The following DCBLD2 variants were observed in gnomAD, a reference collection of about 807,000 sequenced individuals.
The protein encoded by DCBLD2 is discoidin, CUB and LCCL domain containing 2, also known as discoidin, CUB and LCCL domain-containing protein 2.
A neutral mutation model predicts 86.8 loss-of-function variants in DCBLD2; 54 were observed. That is an observed-to-expected ratio of 0.62 (90% CI 0.50 to 0.78). The LOEUF is 0.78. Among genes scored for constraint, DCBLD2 ranks in the 30% least tolerant of loss-of-function variants. DCBLD2 has a pLI of 0.00. For missense variants in DCBLD2, 908 were observed against 954.2 expected (o/e 0.95, Z 0.64); for synonymous variants, 354 against 341.3 (o/e 1.04, Z -0.41).
intron 1 of DCBLD2, among the ~76,000 whole-genome samples, chr3:98,898,786 T>A (rs1943794616): frequency 6.6e-6 from 1 of 152,190 alleles, no homozygotes; most frequent in Admixed American, 6.5e-5. Flanking sequence ...GTCCTTTGAG[T>A]AAAAAATTTA....
intron 2 of DCBLD2, among the ~76,000 whole-genome samples, chr3:98,854,332 G>A (rs1340449766): frequency 6.6e-6 from 1 of 152,096 alleles, no homozygotes; most frequent in Non-Finnish European, 1.5e-5. Flanking sequence ...GAGTGAGGTG[G>A]AGATGTACAA....
chr3:98,820,724 TC>T (rs1942104022), intron 6 of DCBLD2: 1 of 152,136 alleles, frequency 6.6e-6, no homozygotes, highest in Non-Finnish European at 1.5e-5. Context: ...TCAAGTTTTT[TC>T]GGATAAACAT....
intron 13 of DCBLD2, among the ~76,000 whole-genome samples, chr3:98,805,820 C>T (rs989294297): frequency 2.0e-5 from 3 of 152,214 alleles, no homozygotes; most frequent in East Asian, 1.9e-4. Context: ...CTCTCAACAG[C>T]GGCACTCCTC....
chr3:98,862,374 C>T (rs1419904527), intron 2 of DCBLD2, among the ~76,000 whole-genome samples: 2 of 152,148 alleles, frequency 1.3e-5, no homozygotes, highest in Non-Finnish European at 2.9e-5. Flanking sequence ...TTTTATGAGG[C>T]CAGCATCATC....
At chr3:98,895,987 G>A (rs960253964) in intron 1 of DCBLD2, among the ~76,000 whole-genome samples, 31 of 152,150 alleles carry the variant, frequency 2.0e-4, no homozygotes, top group African/African-American at 7.2e-4. Context: ...AGTTTTGAAG[G>A]CAAGGTTGCA....
intron 2 of DCBLD2, among the ~76,000 whole-genome samples, chr3:98,880,851 C>A (rs1385952949): frequency 1.3e-5 from 2 of 152,138 alleles, no homozygotes; most frequent in African/African-American, 4.8e-5. Flanking sequence ...GGATCCAAAA[C>A]CCTTGTTTTT....
intron 1 of DCBLD2, among the ~76,000 whole-genome samples, chr3:98,892,697 C>A (rs2107531564): frequency 6.6e-6 from 1 of 152,246 alleles, no homozygotes; most frequent in South Asian, 2.1e-4. Flanking sequence ...CCAATAGTTT[C>A]TCCTTCTACC....
At chr3:98,855,580 T>C (rs1041475034) in intron 2 of DCBLD2, among the ~76,000 whole-genome samples, 1 of 152,142 alleles carries the variant, frequency 6.6e-6, no homozygotes, top group Non-Finnish European at 1.5e-5. Flanking sequence ...AGGAAAAAAA[T>C]GTAGTTTTAA....
At chr3:98,890,065 C>A (rs971488072) in intron 1 of DCBLD2, among the ~76,000 whole-genome samples, 1 of 152,024 alleles carries the variant, frequency 6.6e-6, no homozygotes, top group Non-Finnish European at 1.5e-5. Context: ...AATGTCAATG[C>A]ACTGCAATTC....
intron 3 of DCBLD2, among the ~76,000 whole-genome samples, chr3:98,828,466 A>G (rs1942263687): frequency 6.6e-6 from 1 of 152,236 alleles, no homozygotes; most frequent in South Asian, 2.1e-4. Context: ...GATGCTCAGC[A>G]TCATTAGCCA....
intron 2 of DCBLD2, among the ~76,000 whole-genome samples, chr3:98,852,197 T>C (rs1166734693): frequency 6.6e-6 from 1 of 152,220 alleles, no homozygotes; most frequent in Non-Finnish European, 1.5e-5. Flanking sequence ...AATGTGTGTT[T>C]ACTTGTAAAA....
intron 2 of DCBLD2, among the ~76,000 whole-genome samples, chr3:98,864,309 A>G (rs1464627610): frequency 6.6e-6 from 1 of 152,214 alleles, no homozygotes; most frequent in Non-Finnish European, 1.5e-5. Flanking sequence ...TTCCTCAAGT[A>G]TCTAGAACTT....
chr3:98,870,771 AAGAAAGAAAG>A (rs1363512458), intron 2 of DCBLD2, among the ~76,000 whole-genome samples: 6 of 149,326 alleles, frequency 4.0e-5, no homozygotes, highest in Non-Finnish European at 8.9e-5. Context: ...GAAAGAAAGA[AAGAAAGAAAG>A]AAAGAAAGAA....
intron 14 of DCBLD2, 100 bp from the exon 15 acceptor site, chr3:98,800,816 T>A: frequency 2.0e-6 from 3 of 1,522,038 alleles, no homozygotes; most frequent in Middle Eastern, 1.8e-4. Flanking sequence ...GCCATTTCTA[T>A]AACAAATATC....
chr3:98,888,878 A>G (rs879841423), intron 1 of DCBLD2, among the ~76,000 whole-genome samples: 2 of 151,986 alleles, frequency 1.3e-5, no homozygotes, highest in Admixed American at 1.3e-4. Context: ...TATTTTTGCC[A>G]TTATTGGAAA....
chr3:98,899,625 A>AT (rs978503499), intron 1 of DCBLD2, among the ~76,000 whole-genome samples: 1 of 152,004 alleles, frequency 6.6e-6, no homozygotes, highest in African/African-American at 2.4e-5. Context: ...CTGTTCCAAG[A>AT]TTTTTTTTAA....
chr3:98,796,430 C>A lies in DCBLD2; in HGVS notation c.*2942G>T, dbSNP rs1337617788. Reference sequence around the variant, plus strand: ...TCATGTGACATGATGTTTCTATAGACCTCTTGCTCTCTAGGTGACAATGCA... The same window carrying A: ...TCATGTGACATGATGTTTCTATAGAACTCTTGCTCTCTAGGTGACAATGCA... On this transcript the variant is annotated 3_prime_UTR_variant, in exon 16 of 16. Transcript: ENST00000326840. 1 of 152,600 alleles carries A rather than the reference C, an allele frequency of 6.6e-6. No individual in the cohort carries two copies. Among genetic ancestry groups the A allele is most frequent in the South Asian group, 2.1e-4 (1 of 4,830 alleles). 9.5% of individuals were successfully genotyped at this position (152,600 alleles called of 1,614,324 possible). A position where few individuals can be genotyped will look rare whatever the true frequency, so the allele number is the denominator to read the frequency against.
chr3:98,845,715 G>C (rs1332964023), intron 3 of DCBLD2, among the ~76,000 whole-genome samples: 3 of 152,168 alleles, frequency 2.0e-5, no homozygotes, highest in African/African-American at 7.2e-5. Flanking sequence ...GTAAGGTTCA[G>C]AATAATGAAG....
chr3:98,833,864 C>G (rs1942370563), intron 3 of DCBLD2, among the ~76,000 whole-genome samples: 3 of 152,226 alleles, frequency 2.0e-5, no homozygotes, highest in Admixed American at 2.0e-4. Flanking sequence ...TGCAGAGCTG[C>G]TACTGGCTCC....
Sources: allele counts gnomAD v4.1 joint callset (sites outside exome capture counted in the v4.1 genomes callset), GRCh38; gene constraint gnomAD v4.1.1; transcripts MANE v1.5; gene names NCBI Gene and HGNC (gene_info 2026-07-23, HGNC 2026-07-21).